The following GRIN2B variants were observed in gnomAD, a reference collection of about 807,000 sequenced individuals.
The protein encoded by GRIN2B is glutamate receptor ionotropic, NMDA 2B.
In GRIN2B, 5 loss-of-function variants were observed where a neutral mutation model predicts 114.5. The ratio of observed to expected loss-of-function variants is 0.04; its 90% confidence interval spans 0.02 to 0.09. The LOEUF (loss-of-function observed/expected upper bound fraction) is 0.09, where lower values mean the gene tolerates loss of function less well. Among genes scored for constraint, GRIN2B ranks in the 10% least tolerant of loss-of-function variants. The probability of loss-of-function intolerance (pLI) is 1.00; values close to 1 mark genes in which losing one functional copy is unlikely to be tolerated. For missense variants in GRIN2B, 1,108 were observed against 1,943.5 expected (o/e 0.57, Z 8.08); for synonymous variants, 787 against 745.1 (o/e 1.06, Z -0.92).
At chr12:13,568,896 G>A (rs1948673017) in intron 12 of GRIN2B, among the ~76,000 whole-genome samples, 1 of 152,196 alleles carries the variant, frequency 6.6e-6, no homozygotes, top group African/African-American at 2.4e-5. Context: ...CTGGGGAGTG[G>A]CTGATGGTGT....
chr12:13,665,605 T>A (rs936489487), intron 5 of GRIN2B, among the ~76,000 whole-genome samples: 1 of 152,262 alleles, frequency 6.6e-6, no homozygotes, highest in Non-Finnish European at 1.5e-5. Context: ...TCCTTAGCTA[T>A]GTGACTTTGG....
chr12:13,856,992 CT>C (rs1309581315), intron 3 of GRIN2B, among the ~76,000 whole-genome samples: 1 of 152,150 alleles, frequency 6.6e-6, no homozygotes, highest in Admixed American at 6.5e-5. Flanking sequence ...TCTAATTACT[CT>C]TGTCATCATA....
chr12:13,812,248 CA>C (rs144738450), intron 3 of GRIN2B, among the ~76,000 whole-genome samples: 39 of 143,930 alleles, frequency 2.7e-4, no homozygotes, highest in Middle Eastern at 3.5e-3. Flanking sequence ...GAAGAAACTG[CA>C]AAAAAAAAAA....
intron 10 of GRIN2B, among the ~76,000 whole-genome samples, chr12:13,577,684 C>T (rs1229132518): frequency 6.6e-6 from 1 of 152,182 alleles, no homozygotes; most frequent in Non-Finnish European, 1.5e-5. Flanking sequence ...TATGTATGTA[C>T]TGGGTATAAG....
At chr12:13,924,339 C>T (rs1303986876) in intron 2 of GRIN2B, among the ~76,000 whole-genome samples, 1 of 152,134 alleles carries the variant, frequency 6.6e-6, no homozygotes, top group Non-Finnish European at 1.5e-5. Context: ...CTAAGGGAAC[C>T]AACAAGGACT....
At chr12:13,866,568 C>T (rs1865832407) in intron 2 of GRIN2B, among the ~76,000 whole-genome samples, 1 of 152,188 alleles carries the variant, frequency 6.6e-6, no homozygotes, top group Admixed American at 6.5e-5. Flanking sequence ...CCTGTTACAG[C>T]CCACCCTTGT....
At chr12:13,863,752 T>C (rs967924075) in intron 3 of GRIN2B, among the ~76,000 whole-genome samples, 14 of 152,192 alleles carry the variant, frequency 9.2e-5, no homozygotes, top group African/African-American at 3.4e-4. Flanking sequence ...TTGTAAAAGG[T>C]ACCAGAGAGA....
At chr12:13,794,218 AAAAAAGAAAAAGAAAAG>A (rs1490485234) in intron 3 of GRIN2B, among the ~76,000 whole-genome samples, 4 of 151,026 alleles carry the variant, frequency 2.6e-5, no homozygotes, top group African/African-American at 7.3e-5. Context: ...AAAAAAAAAA[AAAAAAGAAAAAGAAAAG>A]AAAAAAAGAA....
chr12:13,605,398 G>A (rs1949227004), intron 10 of GRIN2B, among the ~76,000 whole-genome samples: 1 of 151,992 alleles, frequency 6.6e-6, no homozygotes, highest in South Asian at 2.1e-4. Context: ...ATAGATAGAG[G>A]TATGGTTGAA....
intron 4 of GRIN2B, among the ~76,000 whole-genome samples, chr12:13,700,123 G>A (rs1950297431): frequency 6.6e-6 from 1 of 152,050 alleles, no homozygotes; most frequent in Admixed American, 6.6e-5. Context: ...AGGTGGGATG[G>A]GAGATGTCAG....
At chr12:13,662,466 T>C in intron 5 of GRIN2B, among the ~76,000 whole-genome samples, 1 of 152,228 alleles carries the variant, frequency 6.6e-6, no homozygotes. Flanking sequence ...CCTTTGAGAC[T>C]GGCCTTAAGA....
chr12:13,653,815 A>C (rs1325678918), intron 5 of GRIN2B, among the ~76,000 whole-genome samples: 1 of 152,112 alleles, frequency 6.6e-6, no homozygotes, highest in Non-Finnish European at 1.5e-5. Flanking sequence ...TATTTCACAT[A>C]AGTATATCTC....
chr12:13,804,838 G>T (rs1339091666), intron 3 of GRIN2B, among the ~76,000 whole-genome samples: 1 of 152,098 alleles, frequency 6.6e-6, no homozygotes, highest in Non-Finnish European at 1.5e-5. Flanking sequence ...GAATGAATGG[G>T]AAAATGAACC....
chr12:13,950,950 A>T (rs1002790300), intron 2 of GRIN2B, among the ~76,000 whole-genome samples: 1 of 152,156 alleles, frequency 6.6e-6, no homozygotes, highest in African/African-American at 2.4e-5. Context: ...GGGAAGAGAA[A>T]AATGAAGGAC....
At chr12:13,832,227 T>G (rs1865162634) in intron 3 of GRIN2B, among the ~76,000 whole-genome samples, 1 of 152,222 alleles carries the variant, frequency 6.6e-6, no homozygotes, top group Non-Finnish European at 1.5e-5. Flanking sequence ...AAAGAATTAT[T>G]AAAAAGATAC....
chr12:13,772,036 C>T (rs1325685226), intron 3 of GRIN2B, among the ~76,000 whole-genome samples: 1 of 152,194 alleles, frequency 6.6e-6, no homozygotes, highest in Non-Finnish European at 1.5e-5. Flanking sequence ...ATTCCTGGCC[C>T]AAGAGAAATA....
At chr12:13,865,703 TC>T (rs1256540342) in intron 3 of GRIN2B, 94 bp downstream of exon 3, 1 of 1,020,912 alleles carries the variant, frequency 9.8e-7, no homozygotes, top group Admixed American at 1.7e-5. Flanking sequence ...CTGGTTACCT[TC>T]CATCATTAAC....
At chr12:13,650,322 C>T (rs1949801308) in intron 5 of GRIN2B, among the ~76,000 whole-genome samples, 1 of 135,200 alleles carries the variant, frequency 7.4e-6, no homozygotes, top group Non-Finnish European at 1.6e-5. Flanking sequence ...AAACCTGTCC[C>T]CTTCCTCCCC....
chr12:13,893,509 T>C (rs1021913638), intron 2 of GRIN2B, among the ~76,000 whole-genome samples: 2 of 152,170 alleles, frequency 1.3e-5, no homozygotes, highest in Non-Finnish European at 2.9e-5. Context: ...AAATATTGGA[T>C]GATAAATGTT....
Sources: gnomAD v4.1 joint callset for allele counts (sites outside exome capture counted in the v4.1 genomes callset) on GRCh38, gnomAD v4.1.1 for gene constraint, MANE v1.5 for transcripts, NCBI Gene and HGNC (gene_info 2026-07-23, HGNC 2026-07-21) for gene names.